SREK1: variants seen among roughly 807,000 people sequenced by gnomAD.
SREK1 encodes splicing regulatory glutamic acid and lysine rich protein 1.
A neutral mutation model predicts 66.5 loss-of-function variants in SREK1; 13 were observed. The observed-to-expected ratio is 0.20, with a 90% CI of 0.13 to 0.31. The LOEUF is 0.31. Among genes scored for constraint, SREK1 ranks in the 10% least tolerant of loss-of-function variants. The pLI, the probability that SREK1 is intolerant of heterozygous loss-of-function variation, is 1.00. For synonymous variants in SREK1, 265 were observed against 263.5 expected (o/e 1.01, Z -0.05); for missense variants, 607 against 769.6 (o/e 0.79, Z 2.50).
chr5:66,144,683 C>A, intron 1 of SREK1, 146 bp downstream of exon 1: 2 of 1,362,404 alleles, frequency 1.5e-6, no homozygotes, highest in Non-Finnish European at 1.9e-6. Flanking sequence ...TTGATTAGGG[C>A]ACCCGGGTTC....
At chr5:66,144,560 G>T in intron 1 of SREK1, 23 bp downstream of exon 1, 1 of 1,540,870 alleles carries the variant, frequency 6.5e-7, no homozygotes, top group African/African-American at 1.4e-5. Context: ...GCTCGGCTGG[G>T]GGAGGGGCGC....
chr5:66,144,703 G>T, intron 1 of SREK1, 166 bp downstream of exon 1: 1 of 1,324,198 alleles, frequency 7.6e-7, no homozygotes, highest in Non-Finnish European at 9.9e-7. Flanking sequence ...CCGCCGTCCT[G>T]CTCTCCTTAG....
chr5:66,149,360 GGAAAA>G (rs1372049011), intron 1 of SREK1, among the ~76,000 whole-genome samples: 41 of 149,566 alleles, frequency 2.7e-4, no homozygotes, highest in East Asian at 5.9e-4. Flanking sequence ...AAAAAAAAAA[GGAAAA>G]GAAAAGAAAA....
rs1044491646 is a variant in SREK1, at chr5:66,179,318, G to T, written c.*450G>T. The T allele has an allele frequency of 6.6e-6, 1 of 152,476 alleles. No homozygotes were observed. Among genetic ancestry groups the T allele is most frequent in the African/African-American group, 2.4e-5 (1 of 41,310 alleles). The allele number at this position is 152,476 out of a possible 1,614,324, so 9.4% of individuals were successfully genotyped here. A position where few individuals can be genotyped will look rare whatever the true frequency, so the allele number is the denominator to read the frequency against. Reference sequence around the variant, plus strand: ...GTTTGATGATGTGCTTGAAATTGGTGCAAATATATACACACCCTTGTAAGT... The same window carrying T: ...GTTTGATGATGTGCTTGAAATTGGTTCAAATATATACACACCCTTGTAAGT... On this transcript the variant is annotated 3_prime_UTR_variant, in exon 12 of 12. Transcript: ENST00000334121.
In SREK1 at chr5:66,175,445, C is replaced by T. The variant is rs961251570; in HGVS notation, c.1580+404C>T. Among the ~76,000 whole-genome samples, 7 of 152,192 alleles carry T rather than the reference C, an allele frequency of 4.6e-5. No homozygotes were observed. The East Asian group carries it at 1.2e-3, about 25-fold the overall frequency. On this transcript the variant is annotated intron_variant, in intron 10 of 11. Transcript: ENST00000334121. Reference sequence around the variant, plus strand: ...CTTCTTCAATTCCTTTTTATAATTGCGTAGGCTTCCGTTGTATGGCCATAC... The same window carrying T: ...CTTCTTCAATTCCTTTTTATAATTGTGTAGGCTTCCGTTGTATGGCCATAC...
In SREK1 at chr5:66,182,435, CAGG is replaced by C. The variant is rs1746573963; in HGVS notation, c.*3570_*3572del. On this transcript the variant is annotated 3_prime_UTR_variant, in exon 12 of 12. Coordinates refer to ENST00000334121, the MANE Select transcript of SREK1 (RefSeq NM_001077199.3). The stretch of plus-strand genomic sequence containing the variant: ...AAGAGCTAAATTATATTTCTGGAAG[CAGG>C]AGTTTAGTATAAATGTAATAAAATT... The C allele has an allele frequency of 6.6e-6, 1 of 152,058 alleles. No homozygotes were observed. Among genetic ancestry groups the C allele is most frequent in the African/African-American group, 2.4e-5 (1 of 41,374 alleles). The allele number at this position is 152,058 out of a possible 1,614,324, so 9.4% of individuals were successfully genotyped here.
rs942632363 is a variant in SREK1, at chr5:66,180,544, A to G, written c.*1676A>G. 1 of 152,578 alleles carries G rather than the reference A, an allele frequency of 6.6e-6. No homozygotes were observed. The highest frequency in any genetic ancestry group is 2.4e-5 in the African/African-American group (1 of 41,428). 9.5% of individuals were successfully genotyped at this position (152,578 alleles called of 1,614,324 possible). A position where few individuals can be genotyped will look rare whatever the true frequency, so the allele number is the denominator to read the frequency against. ...GAGTTGCCCTTGTTGCAAGTAATGA[A>G]GCCTGATTTGATTATGAAGCTGCTT... On this transcript the variant is annotated 3_prime_UTR_variant, in exon 12 of 12. Coordinates refer to ENST00000334121, the MANE Select transcript of SREK1 (RefSeq NM_001077199.3).
At chr5:66,150,279 T>C (rs1394087184) in intron 1 of SREK1, among the ~76,000 whole-genome samples, 1 of 152,230 alleles carries the variant, frequency 6.6e-6, no homozygotes, top group Non-Finnish European at 1.5e-5. Flanking sequence ...GTAGCACATG[T>C]AGGAGGCTGT....
chr5:66,166,554 T>G (rs2112051222), intron 7 of SREK1: 1 of 152,054 alleles, frequency 6.6e-6, no homozygotes, highest in African/African-American at 2.4e-5. Flanking sequence ...CACTGCAACC[T>G]CCACCTCCCA....
intron 7 of SREK1, chr5:66,165,331 C>G (rs1166335349): frequency 6.3e-6 from 1 of 158,614 alleles, no homozygotes; most frequent in Non-Finnish European, 1.4e-5. Flanking sequence ...CACCCCAGAT[C>G]TTTCACGCAA....
At chr5:66,148,004 A>G (rs1452799716) in intron 1 of SREK1, among the ~76,000 whole-genome samples, 2 of 151,920 alleles carry the variant, frequency 1.3e-5, no homozygotes, top group African/African-American at 2.4e-5. Context: ...TTGAAATTCT[A>G]TTGTTGGATA....
rs116174131 is a variant in SREK1, at chr5:66,148,067, G to A, written c.161+3530G>A. Among the ~76,000 whole-genome samples, 655 of 152,024 alleles carry A rather than the reference G, an allele frequency of 4.3e-3. 6 individuals are homozygous for A. The highest frequency in any genetic ancestry group is 0.014 in the African/African-American group (599 of 41,504). On this transcript the variant is annotated intron_variant, in intron 1 of 11. Transcript: ENST00000334121. ...ATTAGTGGATTTTAGCTAGAAATTG[G>A]GAGGTGTGTCTTTTTGATTGTCAAC...
chr5:66,162,418 C>G lies in SREK1; in HGVS notation c.581C>G (p.Thr194Arg), dbSNP rs766433476. ...VYVGNLNSQTTTADQLLEFFK... is the reference protein window; with the variant it reads ...VYVGNLNSQTRTADQLLEFFK... ...AGTGTCACTTTGTTCCCTTAGACAA[C>G]GACAGCTGATCAACTACTTGAATTT... The change falls in exon 5 of 12, where the codon ACG becomes AGG. Residue 194 changes from threonine (T) to arginine (R), a missense_variant. Physicochemically the swap from Thr to Arg is moderately conservative, Grantham distance 71. Transcript: ENST00000334121. 1 of 1,613,748 alleles carries G rather than the reference C, an allele frequency of 6.2e-7. No individual in the cohort carries two copies. Among genetic ancestry groups the G allele is most frequent in the Non-Finnish European group, 8.5e-7 (1 of 1,179,770 alleles).
Position 66,182,282 on chromosome 5 carries a change from A to G in SREK1, c.*3414A>G, listed in dbSNP as rs1746564086. ...CCCACAAAGTAAATGTGCAGTGCCC[A>G]TGTTTCTTGTGTTTAAATATTTTTT... On this transcript the variant is annotated 3_prime_UTR_variant, in exon 12 of 12. Transcript: ENST00000334121. 1 of 152,024 alleles carries G rather than the reference A, an allele frequency of 6.6e-6. No individual in the cohort carries two copies. The highest frequency in any genetic ancestry group is 2.1e-4 in the South Asian group (1 of 4,822). 9.4% of individuals were successfully genotyped at this position (152,024 alleles called of 1,614,324 possible).
At chr5:66,169,522 G>C (rs536191494) in intron 7 of SREK1, 1 of 152,310 alleles carries the variant, frequency 6.6e-6, no homozygotes, top group African/African-American at 2.4e-5. Flanking sequence ...TCAACTGGTA[G>C]CTATGATTAT....
At chr5:66,156,731 T>G (rs1744317490) in intron 2 of SREK1, 1 of 985,126 alleles carries the variant, frequency 1.0e-6, no homozygotes, top group Admixed American at 6.1e-5. Context: ...TTTATGATGG[T>G]TATTTATCAT....
At chr5:66,157,694 C>T in intron 2 of SREK1, 1 of 957,228 alleles carries the variant, frequency 1.0e-6, no homozygotes, top group South Asian at 4.8e-5. Flanking sequence ...ATCTGTTCTC[C>T]AGAATTTTCA....
At position 66,144,846 on chromosome 5, in the gene SREK1, C is replaced by A. The variant is rs991174813; in HGVS notation, c.161+309C>A. 13 of 1,069,678 alleles carry A rather than the reference C, an allele frequency of 1.2e-5. No homozygotes were observed. In the African/African-American group the frequency reaches 2.2e-4, roughly 18 times the overall value. 66.3% of individuals were successfully genotyped at this position (1,069,678 alleles called of 1,614,324 possible). ...GTGCCCCCACCCTCTTATTTCCCCC[C>A]GAACTTAAGATGGCCGCAGGTGGGC... On this transcript the variant is annotated intron_variant, in intron 1 of 11. Transcript: ENST00000334121.
At position 66,174,937 on chromosome 5, in the gene SREK1, G is replaced by C. The variant is rs1745930881; in HGVS notation, c.1485-9G>C. On this transcript the variant is annotated splice_polypyrimidine_tract_variant and intron_variant, in intron 9 of 11. Coordinates refer to ENST00000334121, the MANE Select transcript of SREK1 (RefSeq NM_001077199.3). ...CTGTTTTTAAAAATGATGTGTTTTT[G>C]ATTTTCAGGGAAAGGCGTAGGAGGA... 6.2e-7 allele frequency: 1 copy of C among 1,606,604 alleles called. No individual in the cohort carries two copies. Among genetic ancestry groups the C allele is most frequent in the African/African-American group, 1.3e-5 (1 of 74,474 alleles).
Sources: allele counts gnomAD v4.1 joint callset (sites outside exome capture counted in the v4.1 genomes callset), GRCh38; gene constraint gnomAD v4.1.1; transcripts MANE v1.5; gene names NCBI Gene and HGNC (gene_info 2026-07-23, HGNC 2026-07-21).